The following PTPRD variants were observed in gnomAD, a reference collection of about 807,000 sequenced individuals.
The protein encoded by PTPRD is protein tyrosine phosphatase receptor type D, also known as receptor-type tyrosine-protein phosphatase delta.
PTPRD carries 34 observed loss-of-function variants against 214.5 expected under a neutral mutation model. The ratio of observed to expected loss-of-function variants is 0.16; its 90% CI spans 0.12 to 0.21. PTPRD has a LOEUF of 0.21. Among genes scored for constraint, PTPRD ranks in the 10% least tolerant of loss-of-function variants. PTPRD has a pLI of 1.00. For missense variants in PTPRD, 2,545 were observed against 2,398.7 expected (o/e 1.06, Z -1.27); for synonymous variants, 1,128 against 845.7 (o/e 1.33, Z -5.79).
chr9:10,394,105 T>C (rs1298263722), intron 2 of PTPRD, among the ~76,000 whole-genome samples: 4 of 145,998 alleles, frequency 2.7e-5, no homozygotes, highest in African/African-American at 2.5e-5. Context: ...TCTCTCTCTA[T>C]ATATGGAGAT....
intron 4 of PTPRD, among the ~76,000 whole-genome samples, chr9:9,956,007 G>A (rs759263621): frequency 2.0e-5 from 3 of 152,030 alleles, no homozygotes; most frequent in Non-Finnish European, 4.4e-5. Context: ...ATTATTTGAG[G>A]CAGGCCACAT....
intron 30 of PTPRD, among the ~76,000 whole-genome samples, chr9:8,474,309 T>C (rs1439902484): frequency 6.6e-6 from 1 of 152,138 alleles, no homozygotes; most frequent in Non-Finnish European, 1.5e-5. Context: ...GAAGATTCTT[T>C]TGCGGGGTTC....
At chr9:8,752,523 T>A (rs2093629844) in intron 11 of PTPRD, among the ~76,000 whole-genome samples, 1 of 152,160 alleles carries the variant, frequency 6.6e-6, no homozygotes, top group Non-Finnish European at 1.5e-5. Context: ...CCTTTACTTT[T>A]CTTAATAAAC....
intron 11 of PTPRD, among the ~76,000 whole-genome samples, chr9:8,788,736 G>T (rs2096099465): frequency 6.6e-6 from 1 of 152,104 alleles, no homozygotes; most frequent in Admixed American, 6.5e-5. Flanking sequence ...AAAATATCAG[G>T]AAAAATAGCC....
At chr9:10,094,554 T>C (rs889026611) in intron 3 of PTPRD, among the ~76,000 whole-genome samples, 1 of 149,706 alleles carries the variant, frequency 6.7e-6, no homozygotes, top group Non-Finnish European at 1.5e-5. Context: ...TTTTTTTTTT[T>C]TCTGAAATGG....
At chr9:9,169,817 AAAC>A (rs1428093667) in intron 10 of PTPRD, among the ~76,000 whole-genome samples, 1 of 152,160 alleles carries the variant, frequency 6.6e-6, no homozygotes, top group Non-Finnish European at 1.5e-5. Flanking sequence ...AAGAAAACTA[AAAC>A]AACATCAATA....
intron 14 of PTPRD, among the ~76,000 whole-genome samples, chr9:8,585,358 G>C (rs2093561846): frequency 6.6e-6 from 1 of 152,152 alleles, no homozygotes; most frequent in Non-Finnish European, 1.5e-5. Flanking sequence ...TCAGTTTCCT[G>C]ATGCCCTGGT....
chr9:8,825,823 T>C lies in PTPRD; in HGVS notation c.-103-91877A>G, dbSNP rs575035820. On this transcript the variant is annotated intron_variant, in intron 11 of 45. Coordinates refer to ENST00000381196, the MANE Select transcript of PTPRD (RefSeq NM_002839.4). ...TATAGAGTAACTTCCGACATTCCCA[T>C]GGCATTTGCAAACTGTCATGGCGCC... is the stretch of plus-strand genomic sequence containing the variant. Among the ~76,000 whole-genome samples, 5 of 152,196 alleles carry C rather than the reference T, an allele frequency of 3.3e-5. No individual in the cohort carries two copies. In the South Asian group the frequency reaches 1.0e-3, roughly 32 times the overall value.
chr9:9,795,766 CCT>C (rs774389758), intron 5 of PTPRD, among the ~76,000 whole-genome samples: 5,344 of 152,206 alleles, frequency 0.035, 158 homozygotes, highest in African/African-American at 0.084. Flanking sequence ...CCTATTGTAT[CCT>C]ATTGTATCAG....
chr9:10,571,961 G>A (rs1249762400), intron 2 of PTPRD, among the ~76,000 whole-genome samples: 1 of 152,148 alleles, frequency 6.6e-6, no homozygotes, highest in Non-Finnish European at 1.5e-5. Context: ...GAACAGACCA[G>A]TACCAGTCTG....
intron 3 of PTPRD, among the ~76,000 whole-genome samples, chr9:10,069,313 G>T (rs1271835254): frequency 6.6e-6 from 1 of 151,968 alleles, no homozygotes; most frequent in African/African-American, 2.4e-5. Context: ...ACAAGAAGTT[G>T]TTCCCTTTGT....
chr9:8,999,798 T>C (rs2099410598), intron 11 of PTPRD, among the ~76,000 whole-genome samples: 1 of 152,010 alleles, frequency 6.6e-6, no homozygotes, highest in African/African-American at 2.4e-5. Flanking sequence ...ACAATCTTAA[T>C]TTTCAGAAAT....
At chr9:9,538,869 T>C (rs2077022460) in intron 8 of PTPRD, among the ~76,000 whole-genome samples, 1 of 151,818 alleles carries the variant, frequency 6.6e-6, no homozygotes, top group Non-Finnish European at 1.5e-5. Context: ...TCTTTTGGAA[T>C]ATAATAACAC....
At chr9:10,329,917 A>T (rs10809068) in intron 3 of PTPRD, among the ~76,000 whole-genome samples, 23,991 of 151,782 alleles carry the variant, frequency 0.16, 2,141 homozygotes, top group Admixed American at 0.27. Flanking sequence ...CTGAAGATTC[A>T]CATTTTCTAC....
intron 39 of PTPRD, among the ~76,000 whole-genome samples, chr9:8,364,564 G>A (rs527312015): frequency 5.9e-5 from 9 of 152,304 alleles, no homozygotes; most frequent in South Asian, 2.1e-4. Flanking sequence ...CAACGGGAGC[G>A]GCAGATACAC....
chr9:9,549,910 G>C (rs188128592), intron 8 of PTPRD, among the ~76,000 whole-genome samples: 125 of 152,124 alleles, frequency 8.2e-4, no homozygotes, highest in Middle Eastern at 3.4e-3. Flanking sequence ...GACATCAAAA[G>C]AATGATGGAT....
At chr9:10,502,536 C>G (rs1418343454) in intron 2 of PTPRD, among the ~76,000 whole-genome samples, 1 of 152,002 alleles carries the variant, frequency 6.6e-6, no homozygotes, top group Non-Finnish European at 1.5e-5. Flanking sequence ...CAGATGTTCT[C>G]ATAAGTTCTG....
intron 4 of PTPRD, among the ~76,000 whole-genome samples, chr9:9,973,505 A>G (rs1232821314): frequency 1.3e-5 from 2 of 151,996 alleles, no homozygotes; most frequent in African/African-American, 2.4e-5. Flanking sequence ...TGTTTTCATG[A>G]CAAGTAGAGA....
intron 12 of PTPRD, among the ~76,000 whole-genome samples, chr9:8,684,940 G>A (rs1278663126): frequency 6.6e-6 from 1 of 152,128 alleles, no homozygotes; most frequent in Non-Finnish European, 1.5e-5. Context: ...AAAAAACAGT[G>A]ATCAGCTTTC....
Sources: allele counts gnomAD v4.1 joint callset (sites outside exome capture counted in the v4.1 genomes callset), GRCh38; gene constraint gnomAD v4.1.1; transcripts MANE v1.5; gene names NCBI Gene and HGNC (gene_info 2026-07-23, HGNC 2026-07-21).